Variants in FAM209A observed in about 807,000 individuals in gnomAD.
The protein encoded by FAM209A is protein FAM209A.
FAM209A carries 4 observed loss-of-function variants against 9.8 expected under a neutral mutation model. The ratio of observed to expected loss-of-function variants is 0.41; its 90% CI spans 0.20 to 0.94. The LOEUF (loss-of-function observed/expected upper bound fraction) is 0.94. FAM209A is among the 40% of genes least tolerant of loss of function. The probability of loss-of-function intolerance (pLI) is 0.32; values close to 1 mark genes in which losing one functional copy is unlikely to be tolerated. For synonymous variants in FAM209A, 55 were observed against 77.8 expected (o/e 0.71, Z 1.54); for missense variants, 205 against 209.4 (o/e 0.98, Z 0.13).
chr20:56,533,191 C>T, the FAM209A span: 402 of 1,520,036 alleles, frequency 2.6e-4, 2 homozygotes, highest in Middle Eastern at 7.5e-4. Flanking sequence ...TGACCTGTAA[C>T]CTCTGTCCTG....
intron 1 of FAM209A, 95 bp from the exon 2 acceptor site, chr20:56,525,706 GTCT>G: frequency 8.0e-7 from 1 of 1,252,616 alleles, no homozygotes. Flanking sequence ...GGGCAGTATG[GTCT>G]TCTTGCAACT....
At chr20:56,533,442 G>A in the FAM209A span, 4 of 1,610,564 alleles carry the variant, frequency 2.5e-6, no homozygotes, top group African/African-American at 1.3e-5. Context: ...GAACCCCAGG[G>A]GAAGGTGCCG....
chr20:56,524,892 A>T lies in FAM209A; in HGVS notation c.84A>T (p.Lys28Asn). 6.2e-7 allele frequency: 1 copy of T among 1,614,126 alleles called. No homozygotes were observed. Among genetic ancestry groups the T allele is most frequent in the Non-Finnish European group, 8.5e-7 (1 of 1,179,992 alleles). Residue 28 changes from lysine (K) to asparagine (N), a missense_variant, in exon 1 of 2, where the codon AAA (lysine) becomes AAT (asparagine). Physicochemically the swap from Lys to Asn is moderately conservative, Grantham distance 94. Coordinates refer to ENST00000371328, the MANE Select transcript of FAM209A (RefSeq NM_001012971.4). ...YAFMFSSLRQ[K>N]TSEPQGKVQY... ...TTATGTTCTCTTCTCTGAGACAGAAAACTAGCGAACCCCAGGGGAAGGTGC... is the reference window on the plus strand; with the variant it reads ...TTATGTTCTCTTCTCTGAGACAGAATACTAGCGAACCCCAGGGGAAGGTGC...
chr20:56,525,014 C>T lies in FAM209A; in HGVS notation c.206C>T (p.Pro69Leu), dbSNP rs778789431. 8.7e-6 allele frequency: 14 copies of T among 1,613,980 alleles called. No individual in the cohort carries two copies. In the East Asian group the frequency reaches 1.1e-4, roughly 13 times the overall value. The change falls in exon 1 of 2, where the codon CCG (proline) becomes CTG (leucine). Residue 69 changes from proline to leucine, a missense_variant. Pro to Leu is a moderately conservative substitution (Grantham distance 98). Transcript: ENST00000371328. ...KWLWLLFVVV[P>L]FVILQCQRDS... ...CTCTGGCTTCTTTTTGTTGTTGTGC[C>T]GTTTGTGATACTGCAGTGTCAAAGA...
chr20:56,525,097 A>G (rs201659531), intron 1 of FAM209A, 40 bp downstream of exon 1: 27 of 1,604,616 alleles, frequency 1.7e-5, no homozygotes, highest in Middle Eastern at 1.8e-4. Flanking sequence ...TATTGATTCA[A>G]TCTCAGGAGT....
downstream of FAM209A, among the ~76,000 whole-genome samples, chr20:56,528,427 C>CAAAAAA (rs34236877): frequency 3.7e-5 from 3 of 81,836 alleles, no homozygotes; most frequent in African/African-American, 4.9e-5. Flanking sequence ...ACCCTCTCTA[C>CAAAAAA]AAAAAAAAAA....
downstream of FAM209A, among the ~76,000 whole-genome samples, chr20:56,526,647 TA>T (rs963885939): frequency 2.5e-3 from 359 of 142,486 alleles, no homozygotes; most frequent in South Asian, 5.6e-3. Context: ...TAATTGGATT[TA>T]AAAAAAAAAA....
the FAM209A span, among the ~76,000 whole-genome samples, chr20:56,532,557 C>T: frequency 6.9e-6 from 1 of 145,052 alleles, no homozygotes; most frequent in Non-Finnish European, 1.5e-5. Flanking sequence ...GATCTCGGCT[C>T]ATCACAACCT....
the FAM209A span, among the ~76,000 whole-genome samples, chr20:56,532,446 C>CTCT: frequency 6.6e-6 from 1 of 150,580 alleles, no homozygotes; most frequent in Admixed American, 6.7e-5. Flanking sequence ...GCTTCCAGAA[C>CTCT]TCTTCATATT....
At chr20:56,530,564 C>T (rs974524248), downstream of FAM209A, among the ~76,000 whole-genome samples, 4 of 152,068 alleles carry the variant, frequency 2.6e-5, no homozygotes, top group Non-Finnish European at 5.9e-5. Flanking sequence ...ATGGCATCAT[C>T]TGAGCTCATT....
downstream of FAM209A, among the ~76,000 whole-genome samples, chr20:56,526,673 A>G (rs1386059897): frequency 6.6e-6 from 1 of 151,248 alleles, no homozygotes; most frequent in Admixed American, 6.6e-5. Context: ...GGGATGAGGC[A>G]GGAGAATCGC....
intron 1 of FAM209A, 112 bp from the exon 2 acceptor site, chr20:56,525,692 T>A: frequency 9.1e-7 from 1 of 1,095,550 alleles, no homozygotes; most frequent in South Asian, 1.5e-5. Flanking sequence ...ATCTTCAGCT[T>A]TGTGGGCAGT....
chr20:56,533,000 A>T, the FAM209A span: 1 of 246,802 alleles, frequency 4.1e-6, no homozygotes, highest in Non-Finnish European at 6.5e-6. Flanking sequence ...TCTGCTCATC[A>T]TAGTGTTTGG....
Position 56,524,998 on chromosome 20 carries a change from C to A in FAM209A, c.190C>A (p.Leu64Ile), listed in dbSNP as rs2019515. 1.2e-6 allele frequency: 2 copies of A among 1,612,044 alleles called. No homozygotes were observed. The highest frequency in any genetic ancestry group is 1.1e-5 in the South Asian group (1 of 90,798). The stretch of plus-strand genomic sequence containing the variant: ...GCTTGGGAGCAAATGGCTCTGGCTT[C>A]TTTTTGTTGTTGTGCCGTTTGTGAT... ...GWLGSKWLWL[L>I]FVVVPFVILQ... The change falls in exon 1 of 2, where the codon CTT (leucine) becomes ATT (isoleucine). Residue 64 changes from leucine to isoleucine, a missense_variant. Leu to Ile is a conservative substitution (Grantham distance 5). Coordinates refer to ENST00000371328, the MANE Select transcript of FAM209A (RefSeq NM_001012971.4).
downstream of FAM209A, among the ~76,000 whole-genome samples, chr20:56,529,139 C>T (rs1489584172): frequency 6.6e-6 from 1 of 151,512 alleles, no homozygotes; most frequent in Non-Finnish European, 1.5e-5. Context: ...ACCCAGGAGG[C>T]GGAGTTTGCA....
chr20:56,525,837 C>T lies in FAM209A; in HGVS notation c.283C>T (p.Leu95Phe), dbSNP rs1054343. ...TCCTCCTGGCCTTCGAGGCGGCCAA[C>T]TTCACTCTCCATTAAAGAAAAAAAG... ...QSPPGLRGGQ[L>F]HSPLKKKRNA... The change falls in exon 2 of 2, where the codon CTT becomes TTT. Residue 95 changes from leucine (L) to phenylalanine (F), a missense_variant. By Grantham distance (22) the Leu-to-Phe change is conservative (BLOSUM62 0). Transcript: ENST00000371328. The T allele has an allele frequency of 6.2e-7, 1 of 1,614,162 alleles. No homozygotes were observed. Among genetic ancestry groups the T allele is most frequent in the Non-Finnish European group, 8.5e-7 (1 of 1,180,032 alleles).
At chr20:56,532,863 C>T in the FAM209A span, among the ~76,000 whole-genome samples, 4 of 152,110 alleles carry the variant, frequency 2.6e-5, no homozygotes, top group East Asian at 5.8e-4. Context: ...TAAGTACTGA[C>T]TAATAATTTT....
chr20:56,533,304 C>G, the FAM209A span: 1 of 1,608,244 alleles, frequency 6.2e-7, no homozygotes, highest in Non-Finnish European at 8.5e-7. Context: ...GGCAAGCAAA[C>G]CCGTCATGAG....
chr20:56,525,374 G>A (rs1283462182), intron 1 of FAM209A, among the ~76,000 whole-genome samples: 2 of 152,160 alleles, frequency 1.3e-5, no homozygotes, highest in Non-Finnish European at 2.9e-5. Context: ...ATTATTCACA[G>A]GGCCAGATTC....
Sources: gnomAD v4.1 joint callset for allele counts (sites outside exome capture counted in the v4.1 genomes callset) on GRCh38, gnomAD v4.1.1 for gene constraint, MANE v1.5 for transcripts, NCBI Gene and HGNC (gene_info 2026-07-23, HGNC 2026-07-21) for gene names.